CLIC5: variants seen among roughly 807,000 people sequenced by gnomAD.
The protein encoded by CLIC5 is chloride intracellular channel protein 5.
In CLIC5, 20 loss-of-function variants were observed where a neutral mutation model predicts 24.7. The observed-to-expected ratio is 0.81, with a 90% confidence interval of 0.57 to 1.18. The LOEUF is 1.18. CLIC5 is among the 50% of genes most tolerant of loss of function. CLIC5 has a pLI of 0.00. For synonymous variants in CLIC5, 159 were observed against 135.6 expected, an observed-to-expected ratio of 1.17 and a Z score of -1.20; for missense variants, 341 against 326.1, an observed-to-expected ratio of 1.05 and a Z score of -0.35.
At chr6:45,959,641 C>T (rs55832005) in intron 1 of CLIC5, among the ~76,000 whole-genome samples, 131,599 of 151,868 alleles carry the variant, frequency 0.87, 57,491 homozygotes, top group Non-Finnish European at 0.9. Flanking sequence ...CAGGCTGAAG[C>T]AAATACTGAC....
At chr6:45,908,432 T>C (rs1278503810) in intron 5 of CLIC5, among the ~76,000 whole-genome samples, 1 of 152,172 alleles carries the variant, frequency 6.6e-6, no homozygotes, top group Non-Finnish European at 1.5e-5. Context: ...TTCCTTGTAA[T>C]ATTGCTTTTG....
intron 6 of CLIC5, chr6:45,883,733 C>T (rs1224291897): frequency 6.6e-6 from 1 of 152,208 alleles, no homozygotes; most frequent in Non-Finnish European, 1.5e-5. Context: ...AACACAGTGC[C>T]ACAAGGGGAC....
At chr6:46,116,580 G>T in the CLIC5 span, among the ~76,000 whole-genome samples, 8 of 152,346 alleles carry the variant, frequency 5.3e-5, no homozygotes, top group African/African-American at 1.9e-4. Flanking sequence ...CATGTTAAGT[G>T]TTGGGGATTA....
At chr6:45,970,420 G>A (rs916304389) in intron 1 of CLIC5, among the ~76,000 whole-genome samples, 15 of 152,162 alleles carry the variant, frequency 9.9e-5, no homozygotes, top group African/African-American at 3.1e-4. Context: ...AGCTCAGACC[G>A]AGCTGTAATT....
At chr6:46,053,152 G>A (rs1377827241) in intron 1 of CLIC5, among the ~76,000 whole-genome samples, 1 of 152,108 alleles carries the variant, frequency 6.6e-6, no homozygotes, top group Non-Finnish European at 1.5e-5. Context: ...ACTAATAGGA[G>A]TTGCAGAGAG....
upstream of CLIC5, among the ~76,000 whole-genome samples, chr6:46,019,565 A>G (rs1185237614): frequency 6.6e-6 from 1 of 150,714 alleles, no homozygotes; most frequent in African/African-American, 2.4e-5. Context: ...GGGCGCCTGT[A>G]GTCCCAGCTA....
intron 1 of CLIC5, among the ~76,000 whole-genome samples, chr6:46,057,881 G>A (rs1768304229): frequency 6.6e-6 from 1 of 152,158 alleles, no homozygotes; most frequent in Non-Finnish European, 1.5e-5. Flanking sequence ...TGAACTACTT[G>A]TTGATCTCAA....
chr6:45,973,524 C>T (rs116620193), intron 1 of CLIC5, among the ~76,000 whole-genome samples: 3,442 of 152,108 alleles, frequency 0.023, 119 homozygotes, highest in African/African-American at 0.076. Flanking sequence ...TTTGTTTTTG[C>T]CAACCAACAT....
At chr6:46,043,407 T>C (rs1196467848) in intron 1 of CLIC5, among the ~76,000 whole-genome samples, 4 of 152,232 alleles carry the variant, frequency 2.6e-5, no homozygotes, top group South Asian at 4.1e-4. Context: ...CATTTGCTTA[T>C]GCACCATGTT....
chr6:46,082,776 C>A (rs1762950963), upstream of CLIC5, among the ~76,000 whole-genome samples: 1 of 151,486 alleles, frequency 6.6e-6, no homozygotes, highest in South Asian at 2.1e-4. Context: ...AATCCCTGTT[C>A]CATTACTAAA....
At chr6:46,074,085 TG>T (rs1338633117) in intron 1 of CLIC5, among the ~76,000 whole-genome samples, 1 of 152,156 alleles carries the variant, frequency 6.6e-6, no homozygotes, top group Admixed American at 6.5e-5. Flanking sequence ...AAATCAGTAA[TG>T]TTTTTTTAAA....
At chr6:45,941,924 A>T (rs1581771478) in intron 3 of CLIC5, among the ~76,000 whole-genome samples, 1 of 152,120 alleles carries the variant, frequency 6.6e-6, no homozygotes, top group Admixed American at 6.5e-5. Context: ...GGGTCTCAGG[A>T]TGTGTCCTTT....
chr6:46,110,752 G>T, the CLIC5 span, among the ~76,000 whole-genome samples: 1 of 152,184 alleles, frequency 6.6e-6, no homozygotes, highest in Non-Finnish European at 1.5e-5. Flanking sequence ...AGCACAGTCT[G>T]TTGGCAAACT....
the CLIC5 span, among the ~76,000 whole-genome samples, chr6:46,100,316 T>G: frequency 6.6e-6 from 1 of 152,226 alleles, no homozygotes; most frequent in Non-Finnish European, 1.5e-5. Context: ...ATGAGTGAGC[T>G]GGGACTGCTA....
chr6:45,927,838 CTTGTTTTTCTCTTGTTAATCTGTCTT>C (rs1763561825), intron 4 of CLIC5, among the ~76,000 whole-genome samples: 2 of 152,104 alleles, frequency 1.3e-5, no homozygotes, highest in Admixed American at 6.5e-5. Context: ...TAAACTTCTG[CTTGTTTTTCTCTTGTTAATCTGTCTT>C]TTGTTACAGG....
chr6:45,976,749 G>T (rs1319773205), intron 1 of CLIC5, among the ~76,000 whole-genome samples: 2 of 152,140 alleles, frequency 1.3e-5, no homozygotes, highest in Non-Finnish European at 2.9e-5. Context: ...AATCACTCCA[G>T]ACTCTGTCTA....
chr6:45,963,658 A>G lies in CLIC5; in HGVS notation c.64-8414T>C, dbSNP rs138604833. Among the ~76,000 whole-genome samples, 133 of 152,306 alleles carry G rather than the reference A, an allele frequency of 8.7e-4. 3 individuals carry two copies. The East Asian group carries it at 0.025, about 28-fold the overall frequency. ...ATGCTACTTACCCTAAGCTTAAAAAAAAAAAGTAGAAAGGAAAGTCAGAGA... is the reference window on the plus strand; with the variant it reads ...ATGCTACTTACCCTAAGCTTAAAAAGAAAAAGTAGAAAGGAAAGTCAGAGA... On this transcript the variant is annotated intron_variant, in intron 1 of 5. Transcript: ENST00000339561.
At chr6:45,952,077 C>T (rs1483054993) in intron 2 of CLIC5, among the ~76,000 whole-genome samples, 1 of 152,164 alleles carries the variant, frequency 6.6e-6, no homozygotes, top group Non-Finnish European at 1.5e-5. Flanking sequence ...AACGTGTGTG[C>T]TCTCAGTCAC....
chr6:45,948,264 A>G (rs1475106540), intron 3 of CLIC5, among the ~76,000 whole-genome samples: 1 of 152,216 alleles, frequency 6.6e-6, no homozygotes, highest in Non-Finnish European at 1.5e-5. Flanking sequence ...CTTACTCAGT[A>G]TGTCCTGAAC....
Sources: allele counts gnomAD v4.1 joint callset (sites outside exome capture counted in the v4.1 genomes callset), GRCh38; gene constraint gnomAD v4.1.1; transcripts MANE v1.5; gene names NCBI Gene and HGNC (gene_info 2026-07-23, HGNC 2026-07-21).